Variants in PRPF6 observed in about 807,000 individuals in gnomAD.
PRPF6 encodes pre-mRNA-processing factor 6.
Under a neutral mutation model 118.3 loss-of-function variants are expected in PRPF6, and 42 were observed. That is an observed-to-expected ratio of 0.35 (90% CI 0.28 to 0.46). The LOEUF (loss-of-function observed/expected upper bound fraction) is 0.46, where lower values mean the gene tolerates loss of function less well. PRPF6 is among the 20% of genes least tolerant of loss of function. The pLI, the probability that PRPF6 is intolerant of heterozygous loss-of-function variation, is 1.00. For synonymous variants in PRPF6, 481 were observed against 485.1 expected (o/e 0.99, Z 0.11); for missense variants, 662 against 1,255.7 (o/e 0.53, Z 7.15).
rs144767130 is a variant in PRPF6 at position 64,029,586 on chromosome 20, C to G, written c.2546+95C>G. The G allele has an allele frequency of 1.6e-5, 18 of 1,135,800 alleles. No homozygotes were observed. In the East Asian group the frequency reaches 4.2e-4, roughly 26 times the overall value. The allele number at this position is 1,135,800 out of a possible 1,614,324, so 70.4% of individuals were successfully genotyped here. On this transcript the variant is annotated intron_variant, in intron 19 of 20. Coordinates refer to ENST00000266079, the MANE Select transcript of PRPF6 (RefSeq NM_012469.4). This position sits in a 1 kb window ranked among gnomAD's most constrained non-coding sequence, Gnocchi z 4.8. ...CCTCTTCCTGGTCATTGTAAAGATGCCCGGCAGCAGGGTGGGCTTCCCCGA... is the reference window on the plus strand; with the variant it reads ...CCTCTTCCTGGTCATTGTAAAGATGGCCGGCAGCAGGGTGGGCTTCCCCGA...
rs769645251 is a variant in PRPF6 at position 63,984,997 on chromosome 20, A to C, written c.331A>C (p.Arg111=). The change falls in exon 3 of 21, where the codon AGG becomes CGG. Residue 111 remains arginine (R), a synonymous_variant. Transcript: ENST00000266079. Reference sequence around the variant, plus strand: ...TGCTATCTATGCAGCCCTGGATAAAAGGATGGATGAAAGAAGAAAAGAAAG... The same window carrying C: ...TGCTATCTATGCAGCCCTGGATAAACGGATGGATGAAAGAAGAAAAGAAAG... ...ADAIYAALDK[R]MDERRKERRE... is the part of the protein sequence containing the mutation. 1.9e-6 allele frequency: 3 copies of C among 1,613,140 alleles called. No homozygotes were observed. The South Asian group carries it at 3.3e-5, about 18-fold the overall frequency.
chr20:63,992,104 T>A (rs1191526477), intron 3 of PRPF6, among the ~76,000 whole-genome samples: 2 of 152,130 alleles, frequency 1.3e-5, no homozygotes, highest in African/African-American at 2.4e-5. Flanking sequence ...TGTTTTGTTT[T>A]GTTTTGTTTT....
rs1223534619 is a variant in PRPF6, at chr20:64,011,538, A to G, written c.1524+35A>G. ...AGGCGGGTGTCGTGGTGTCTGCTTTAACAGTGCACATGCAGCACGTGAGAG... is the reference window on the plus strand; with the variant it reads ...AGGCGGGTGTCGTGGTGTCTGCTTTGACAGTGCACATGCAGCACGTGAGAG... On this transcript the variant is annotated intron_variant, in intron 11 of 20. Transcript: ENST00000266079. This position sits in a 1 kb window ranked among gnomAD's most constrained non-coding sequence, Gnocchi z 6.7. 6.3e-7 allele frequency: 1 copy of G among 1,587,370 alleles called. No individual in the cohort carries two copies. Among genetic ancestry groups the G allele is most frequent in the Non-Finnish European group, 8.6e-7 (1 of 1,166,756 alleles).
chr20:63,996,168 G>A (rs1388948974), intron 6 of PRPF6, among the ~76,000 whole-genome samples: 2 of 151,794 alleles, frequency 1.3e-5, no homozygotes, highest in African/African-American at 2.4e-5. Flanking sequence ...GTGAAACCCC[G>A]TCTCTACTAA....
rs1336179102 is a variant in PRPF6, at chr20:64,011,167, G to A, written c.1306-118G>A. 1.2e-5 allele frequency: 10 copies of A among 859,606 alleles called. No homozygotes were observed. In the East Asian group the frequency reaches 2.6e-4, roughly 23 times the overall value. The allele number at this position is 859,606 out of a possible 1,614,324, so 53.2% of individuals were successfully genotyped here. ...ACACTTCTCAGGCCATGTTCAGATG[G>A]TTCTCGAGAGCTAAGAAAGAACGTG... On this transcript the variant is annotated intron_variant, in intron 10 of 20. Coordinates refer to ENST00000266079, the MANE Select transcript of PRPF6 (RefSeq NM_012469.4). This position sits in a 1 kb window ranked among gnomAD's most constrained non-coding sequence, Gnocchi z 6.7.
At chr20:64,021,314 A>G (rs1283374007) in intron 12 of PRPF6, among the ~76,000 whole-genome samples, 1 of 135,146 alleles carries the variant, frequency 7.4e-6, no homozygotes, top group African/African-American at 2.9e-5. Context: ...GTGTGCATGT[A>G]TGCATATGCC....
intron 3 of PRPF6, among the ~76,000 whole-genome samples, chr20:63,986,531 C>G (rs1354861818): frequency 1.3e-5 from 2 of 149,494 alleles, no homozygotes; most frequent in Non-Finnish European, 3.0e-5. Context: ...CTCTGTTGCC[C>G]AGGCTGGAGT....
rs1428456885 is a variant in PRPF6, at chr20:64,011,508, G to A, written c.1524+5G>A. On this transcript the variant is annotated splice_donor_5th_base_variant and intron_variant, in intron 11 of 20. Coordinates refer to ENST00000266079, the MANE Select transcript of PRPF6 (RefSeq NM_012469.4). This position sits in a 1 kb window ranked among gnomAD's most constrained non-coding sequence, Gnocchi z 6.7. ...AACCGTGAGCAGTGGATCCAGGTGG[G>A]CCGCAGGCGGGTGTCGTGGTGTCTG... 2 of 1,609,736 alleles carry A rather than the reference G, an allele frequency of 1.2e-6. No individual in the cohort carries two copies. The highest frequency in any genetic ancestry group is 1.7e-6 in the Non-Finnish European group (2 of 1,178,722).
chr20:63,995,582 C>T (rs1367930686), intron 6 of PRPF6, 100 bp downstream of exon 6: 4 of 1,333,110 alleles, frequency 3.0e-6, no homozygotes, highest in East Asian at 4.8e-5. Context: ...TTTTCTTCTC[C>T]TCCTTCTCCT....
chr20:64,030,855 AC>A (rs2059311078), intron 19 of PRPF6, among the ~76,000 whole-genome samples: 1 of 152,212 alleles, frequency 6.6e-6, no homozygotes, highest in Non-Finnish European at 1.5e-5. Context: ...ACTGAGACGA[AC>A]CCGAACAGCT....
At chr20:64,024,921 C>T (rs2123092481) in intron 14 of PRPF6, among the ~76,000 whole-genome samples, 1 of 152,234 alleles carries the variant, frequency 6.6e-6, no homozygotes, top group African/African-American at 2.4e-5. Context: ...TCAGTGTGAC[C>T]ACGGGTAAAT....
intron 1 of PRPF6, 23 bp from the exon 2 acceptor site, chr20:63,983,024 G>C (rs370723310): frequency 6.2e-7 from 1 of 1,612,784 alleles, no homozygotes. Context: ...TCAGACACCC[G>C]GTGTCTTGGG....
At position 64,016,903 on chromosome 20, in the gene PRPF6, C is replaced by T; in HGVS notation, c.1647+58C>T. 4 of 1,610,200 alleles carry T rather than the reference C, an allele frequency of 2.5e-6. No individual in the cohort carries two copies. In the South Asian group the frequency reaches 3.3e-5, roughly 13 times the overall value. ...ATGGAGTCTCTGCTTGTGGGAACAG[C>T]AGGCACCTTATAAACTACTAGGCTA... is the stretch of plus-strand genomic sequence containing the variant. On this transcript the variant is annotated intron_variant, in intron 12 of 20. Coordinates refer to ENST00000266079, the MANE Select transcript of PRPF6 (RefSeq NM_012469.4).
At chr20:64,018,723 A>G (rs1601527835) in intron 12 of PRPF6, among the ~76,000 whole-genome samples, 1 of 151,912 alleles carries the variant, frequency 6.6e-6, no homozygotes, top group East Asian at 1.9e-4. Context: ...TCAGCCTCCC[A>G]AAGTATGTAG....
intron 12 of PRPF6, among the ~76,000 whole-genome samples, chr20:64,021,139 A>ATG (rs376035603): frequency 0.013 from 1,991 of 151,926 alleles, 38 homozygotes; most frequent in African/African-American, 0.045. Flanking sequence ...CAGTTACAGC[A>ATG]TGTGTGTGTG....
At chr20:64,031,672 CAAAAAAAAA>C (rs568394576) in intron 19 of PRPF6, among the ~76,000 whole-genome samples, 5 of 75,860 alleles carry the variant, frequency 6.6e-5, no homozygotes, top group African/African-American at 1.2e-4. Context: ...GACTCCTTCT[CAAAAAAAAA>C]AAAAAAAAAA....
intron 9 of PRPF6, among the ~76,000 whole-genome samples, chr20:64,004,973 G>T (rs2059183176): frequency 6.6e-6 from 1 of 152,194 alleles, no homozygotes; most frequent in Non-Finnish European, 1.5e-5. Flanking sequence ...CAGGTTGAGG[G>T]TCTTCCCTGC....
Position 63,995,024 on chromosome 20 carries a change from C to T in PRPF6, c.547C>T (p.Pro183Ser). 1 of 1,614,194 alleles carries T rather than the reference C, an allele frequency of 6.2e-7. No homozygotes were observed. Among genetic ancestry groups the T allele is most frequent in the Non-Finnish European group, 8.5e-7 (1 of 1,180,038 alleles). ...NPRYEKLTPV[P>S]DSFFAKHLQT... ...ACGCTATGAGAAGCTGACCCCTGTT[C>T]CTGACAGTTTCTTTGCCAAACATTT... Residue 183 changes from proline to serine, a missense_variant, in exon 5 of 21, where the codon CCT becomes TCT. By Grantham distance (74) the Pro-to-Ser change is moderately conservative. Around this residue, in one of 10 missense-constraint regions of PRPF6, gnomAD observed 97 missense variants for 122.6 expected, o/e 0.79. Transcript: ENST00000266079.
intron 12 of PRPF6, 60 bp from the exon 13 acceptor site, chr20:64,022,697 A>AT (rs1370941203): frequency 4.3e-6 from 7 of 1,609,556 alleles, no homozygotes; most frequent in Non-Finnish European, 5.1e-6. Context: ...GGAGGGCATC[A>AT]TGCCACTTGT....
Sources: gnomAD v4.1 joint callset for allele counts (sites outside exome capture counted in the v4.1 genomes callset) on GRCh38, gnomAD v4.1.1 for gene constraint, gnomAD v4.1.1 regional missense constraint, Gnocchi (gnomAD v3.1) non-coding constraint, MANE v1.5 for transcripts, NCBI Gene and HGNC (gene_info 2026-07-23, HGNC 2026-07-21) for gene names.